AVEN: variants seen among roughly 807,000 people sequenced by gnomAD.
AVEN encodes the protein apoptosis and caspase activation inhibitor.
In AVEN, 41 loss-of-function variants were observed where a neutral mutation model predicts 38.1. The observed-to-expected ratio is 1.08, with a 90% CI of 0.84 to 1.40. The LOEUF (loss-of-function observed/expected upper bound fraction) is 1.40, where lower values mean the gene tolerates loss of function less well. Ranked by LOEUF, AVEN falls within the 40% of genes most tolerant of loss-of-function variation. AVEN has a pLI of 0.00. For missense variants in AVEN, 605 were observed against 438.8 expected (o/e 1.38, Z -3.38); for synonymous variants, 206 against 171.8 (o/e 1.20, Z -1.56).
intron 2 of AVEN, among the ~76,000 whole-genome samples, chr15:33,956,530 G>A (rs995886546): frequency 6.6e-6 from 1 of 152,112 alleles, no homozygotes; most frequent in African/African-American, 2.4e-5. Context: ...TAATAGGGTT[G>A]TTAAAACACA....
Position 34,003,036 on chromosome 15 carries a change from A to C in AVEN, c.441T>G (p.Ser147=). 2 of 1,612,024 alleles carry C rather than the reference A, an allele frequency of 1.2e-6. No homozygotes were observed. The highest frequency in any genetic ancestry group is 1.7e-6 in the Non-Finnish European group (2 of 1,179,180). The part of the protein sequence containing the change: ...RGTDFSVLLS[S]AGDSFSQFRF... ...GCATGCAACTGGAATTCATACCTGC[A>C]GAGCTAAGGAGGACACTGAAATCTG... The change falls in exon 2 of 6, where the codon TCT becomes TCG. Residue 147 remains serine (S), a synonymous_variant. Coordinates refer to ENST00000306730, the MANE Select transcript of AVEN (RefSeq NM_020371.3).
Position 34,039,082 on chromosome 15 carries a change from C to T in AVEN, c.-36G>A. The T allele has an allele frequency of 9.3e-7, 1 of 1,079,640 alleles. No individual in the cohort carries two copies. Among genetic ancestry groups the T allele is most frequent in the Non-Finnish European group, 1.1e-6 (1 of 891,642 alleles). 66.9% of individuals were successfully genotyped at this position (1,079,640 alleles called of 1,614,324 possible). A position where few individuals can be genotyped will look rare whatever the true frequency, so the allele number is the denominator to read the frequency against. On this transcript the variant is annotated 5_prime_UTR_variant, in exon 1 of 6. Coordinates refer to ENST00000306730, the MANE Select transcript of AVEN (RefSeq NM_020371.3). ...CTGGCGGTGCTGAGCGCGCGGGAGCCGAGCTGCGGCGGAGACGCCCTGGCC... is the reference window on the plus strand; with the variant it reads ...CTGGCGGTGCTGAGCGCGCGGGAGCTGAGCTGCGGCGGAGACGCCCTGGCC...
chr15:33,862,071 CAG>C (rs1236972842), downstream of AVEN, among the ~76,000 whole-genome samples: 1 of 151,952 alleles, frequency 6.6e-6, no homozygotes, highest in African/African-American at 2.4e-5. Context: ...AAACTTAAAA[CAG>C]AATGTATAGA....
In AVEN at chr15:34,052,096, CAATGAAATACTGGCA is replaced by C. The variant is rs533362190; in HGVS notation, n.1637+10811_1637+10825del. On this transcript the variant is annotated intron_variant and non_coding_transcript_variant, in intron 5 of 11. Coordinates refer to the AVEN transcript ENST00000675287. ...TGATGAACACTGATGCAAAAATCCT[CAATGAAATACTGGCA>C]AATGAAATCCAGCAGCACATCAAAA... Among the ~76,000 whole-genome samples the C allele has an allele frequency of 2.9e-3, 447 of 152,276 alleles. 2 individuals are homozygous for C. Among genetic ancestry groups the C allele is most frequent in the African/African-American group, 0.01 (416 of 41,568 alleles).
chr15:34,011,008 T>C (rs545824505), intron 1 of AVEN, among the ~76,000 whole-genome samples: 1 of 152,254 alleles, frequency 6.6e-6, no homozygotes, highest in Non-Finnish European at 1.5e-5. Context: ...AATTAAAGAA[T>C]TCAATGACAG....
chr15:33,900,728 G>C (rs924270852), intron 2 of AVEN, among the ~76,000 whole-genome samples: 1 of 151,916 alleles, frequency 6.6e-6, no homozygotes, highest in African/African-American at 2.4e-5. Context: ...TCTAAAACTT[G>C]ACATTTATCT....
downstream of AVEN, among the ~76,000 whole-genome samples, chr15:33,855,201 G>A (rs77008996): frequency 8.8e-3 from 1,318 of 148,966 alleles, 9 homozygotes; most frequent in Middle Eastern, 0.027. Flanking sequence ...TGACCTTGGA[G>A]ATCTTTTTTT....
At chr15:33,880,692 T>C (rs1891447593) in intron 2 of AVEN, among the ~76,000 whole-genome samples, 1 of 151,930 alleles carries the variant, frequency 6.6e-6, no homozygotes, top group African/African-American at 2.4e-5. Flanking sequence ...CCAATATTCA[T>C]TAAAAACGAT....
At chr15:33,884,802 T>C (rs1038242032) in intron 2 of AVEN, among the ~76,000 whole-genome samples, 1 of 152,168 alleles carries the variant, frequency 6.6e-6, no homozygotes, top group Non-Finnish European at 1.5e-5. Context: ...GAATGAACAA[T>C]ACAGATCAGG....
At chr15:34,064,177 A>AT (rs1900447848) in intron 4 of AVEN, 1 of 1,614,074 alleles carries the variant, frequency 6.2e-7, no homozygotes, top group African/African-American at 1.3e-5. Context: ...TGCTATGTCA[A>AT]TAGCACTGTC....
Position 34,016,057 on chromosome 15 carries a change from G to A in AVEN, c.268-12848C>T, listed in dbSNP as rs186360338. On this transcript the variant is annotated intron_variant, in intron 1 of 5. Transcript: ENST00000306730. ...TTTGGGAGGCCAAGGTGGGCGGATC[G>A]CCTGAGGTCAGGAGTTCGAGACCAG... Among the ~76,000 whole-genome samples, 48 of 152,084 alleles carry A rather than the reference G, an allele frequency of 3.2e-4. 1 individual carries two copies. The East Asian group carries it at 7.9e-3, about 25-fold the overall frequency.
intron 2 of AVEN, among the ~76,000 whole-genome samples, chr15:33,882,391 G>C (rs1373092937): frequency 6.6e-6 from 1 of 152,076 alleles, no homozygotes; most frequent in Non-Finnish European, 1.5e-5. Context: ...TCCTATTCCA[G>C]CAACAATGCT....
At chr15:33,949,348 A>C (rs896188539) in intron 2 of AVEN, among the ~76,000 whole-genome samples, 5 of 152,322 alleles carry the variant, frequency 3.3e-5, no homozygotes, top group Middle Eastern at 3.4e-3. Context: ...ACAGCACAGT[A>C]GGGGGTCTAT....
intron 2 of AVEN, among the ~76,000 whole-genome samples, chr15:33,902,158 C>T (rs111810001): frequency 6.6e-6 from 1 of 151,966 alleles, no homozygotes; most frequent in Non-Finnish European, 1.5e-5. Flanking sequence ...TTTATTTCAA[C>T]GTTTTATTGT....
intron 2 of AVEN, among the ~76,000 whole-genome samples, chr15:33,951,725 G>C (rs187696344): frequency 1.3e-5 from 2 of 152,040 alleles, no homozygotes; most frequent in African/African-American, 4.8e-5. Context: ...GGAGGTAAAG[G>C]CTACTTTATA....
At chr15:33,964,590 A>C (rs768253549) in intron 2 of AVEN, among the ~76,000 whole-genome samples, 13 of 152,148 alleles carry the variant, frequency 8.5e-5, no homozygotes, top group Non-Finnish European at 1.8e-4. Context: ...TGTATTGCAA[A>C]GTACAACCAC....
chr15:33,984,788 G>A (rs8038713), intron 2 of AVEN, among the ~76,000 whole-genome samples: 2 of 151,844 alleles, frequency 1.3e-5, no homozygotes, highest in South Asian at 2.1e-4. Context: ...TGAGACAAAC[G>A]TTAGTAGCAA....
chr15:33,898,463 G>A (rs1271768384), intron 2 of AVEN, among the ~76,000 whole-genome samples: 2 of 152,148 alleles, frequency 1.3e-5, no homozygotes, highest in African/African-American at 2.4e-5. Context: ...TCTAGGGGAG[G>A]AGCTTCCCCT....
intron 1 of AVEN, among the ~76,000 whole-genome samples, chr15:34,036,432 A>AT (rs1055250837): frequency 8.6e-5 from 13 of 151,536 alleles, no homozygotes; most frequent in Admixed American, 1.3e-4. Flanking sequence ...GTCTATTATG[A>AT]TTTTTTTTTC....
Sources: allele counts gnomAD v4.1 joint callset (sites outside exome capture counted in the v4.1 genomes callset), GRCh38; gene constraint gnomAD v4.1.1; transcripts MANE v1.5; gene names NCBI Gene and HGNC (gene_info 2026-07-23, HGNC 2026-07-21).